Variants in RAB38 observed in about 807,000 individuals in gnomAD.
RAB38 encodes the protein ras-related protein Rab-38.
In RAB38, 15 loss-of-function variants were observed where a neutral mutation model predicts 18.4. The ratio of observed to expected loss-of-function variants is 0.82; its 90% CI spans 0.55 to 1.26. The LOEUF (loss-of-function observed/expected upper bound fraction) is 1.26, where lower values mean the gene tolerates loss of function less well. RAB38 is among the 50% of genes most tolerant of loss of function. The pLI is 0.00. For synonymous variants in RAB38, 101 were observed against 104.4 expected (o/e 0.97, Z 0.20); for missense variants, 294 against 267.4 (o/e 1.10, Z -0.69).
the RAB38 span, among the ~76,000 whole-genome samples, chr11:87,951,911 A>ACT: frequency 6.6e-6 from 1 of 151,450 alleles, no homozygotes; most frequent in African/African-American, 2.4e-5. Context: ...GAGAACCACT[A>ACT]CTCTCTTCAA....
chr11:87,901,239 T>C, the RAB38 span, among the ~76,000 whole-genome samples: 1 of 151,526 alleles, frequency 6.6e-6, no homozygotes, highest in Non-Finnish European at 1.5e-5. Context: ...GCAGACTAGT[T>C]CCAGAGCAAG....
chr11:88,153,838 C>T (rs923668676), intron 1 of RAB38, among the ~76,000 whole-genome samples: 5 of 152,186 alleles, frequency 3.3e-5, no homozygotes, highest in African/African-American at 4.8e-5. Flanking sequence ...CAAGATAGTA[C>T]ATTAGAGCCT....
the RAB38 span, among the ~76,000 whole-genome samples, chr11:87,910,561 A>G: frequency 2.7e-5 from 4 of 148,644 alleles, no homozygotes; most frequent in African/African-American, 7.6e-5. Flanking sequence ...ATTTTGTCCT[A>G]TGTTTACGTC....
the RAB38 span, among the ~76,000 whole-genome samples, chr11:88,080,564 A>T: frequency 3.9e-5 from 6 of 151,998 alleles, no homozygotes; most frequent in African/African-American, 1.4e-4. Context: ...TAAATAGAAA[A>T]AAGAAGGATC....
At chr11:87,869,863 G>A in the RAB38 span, among the ~76,000 whole-genome samples, 275 of 151,764 alleles carry the variant, frequency 1.8e-3, 1 homozygote, top group African/African-American at 6.2e-3. Flanking sequence ...AAAAGGGTAT[G>A]CCTGTTGCCA....
chr11:87,871,434 T>C, the RAB38 span, among the ~76,000 whole-genome samples: 1 of 151,674 alleles, frequency 6.6e-6, no homozygotes, highest in East Asian at 2.0e-4. Context: ...ACCCAGAAGT[T>C]TGTGGTGTAC....
At chr11:87,834,285 G>C in the RAB38 span, among the ~76,000 whole-genome samples, 2 of 152,092 alleles carry the variant, frequency 1.3e-5, no homozygotes, top group East Asian at 3.8e-4. Flanking sequence ...ACTTAGAAAA[G>C]GATTCATCCC....
chr11:88,022,609 C>A, the RAB38 span, among the ~76,000 whole-genome samples: 1 of 4,896 alleles, frequency 2.0e-4, no homozygotes, highest in Non-Finnish European at 3.2e-4. Flanking sequence ...CTAAAGACCC[C>A]ACAAAAAAAA....
chr11:87,873,949 T>TATATATATATAC, the RAB38 span, among the ~76,000 whole-genome samples: 24 of 138,080 alleles, frequency 1.7e-4, no homozygotes, highest in Non-Finnish European at 2.2e-4. Flanking sequence ...TATATATATA[T>TATATATATATAC]ACTCTGCATA....
At chr11:88,157,941 A>G (rs1486739421) in intron 1 of RAB38, among the ~76,000 whole-genome samples, 1 of 152,124 alleles carries the variant, frequency 6.6e-6, no homozygotes, top group Non-Finnish European at 1.5e-5. Context: ...AGCAGAACAG[A>G]ATGAAATTGA....
At chr11:87,838,336 G>C in the RAB38 span, among the ~76,000 whole-genome samples, 6 of 152,012 alleles carry the variant, frequency 3.9e-5, no homozygotes, top group East Asian at 7.7e-4. Context: ...GGATGGTCTC[G>C]ATCTCCTGAC....
At chr11:88,082,125 G>A in the RAB38 span, among the ~76,000 whole-genome samples, 1 of 151,796 alleles carries the variant, frequency 6.6e-6, no homozygotes, top group African/African-American at 2.4e-5. Flanking sequence ...ATTGACACAA[G>A]AGCAAGCTTT....
chr11:88,082,525 C>T, the RAB38 span, among the ~76,000 whole-genome samples: 1 of 151,756 alleles, frequency 6.6e-6, no homozygotes, highest in African/African-American at 2.4e-5. Flanking sequence ...GCCTAATCTT[C>T]TCTCTCAAAT....
chr11:87,936,864 GTTTTGTGTTTTGT>G, the RAB38 span, among the ~76,000 whole-genome samples: 1 of 151,946 alleles, frequency 6.6e-6, no homozygotes, highest in East Asian at 1.9e-4. Context: ...TTTCTAGGAG[GTTTTGTGTTTTGT>G]TTTTGTAAAT....
the RAB38 span, among the ~76,000 whole-genome samples, chr11:87,810,383 G>T: frequency 6.6e-6 from 1 of 152,104 alleles, no homozygotes; most frequent in Non-Finnish European, 1.5e-5. Context: ...ACCATGTCTA[G>T]CTCTAGAGCT....
At chr11:88,026,650 TTACA>T in the RAB38 span, among the ~76,000 whole-genome samples, 1 of 151,128 alleles carries the variant, frequency 6.6e-6, no homozygotes, top group African/African-American at 2.4e-5. Flanking sequence ...AGTGCTGGGA[TTACA>T]GACATGAGCC....
the RAB38 span, among the ~76,000 whole-genome samples, chr11:88,035,974 A>G: frequency 6.6e-6 from 1 of 152,114 alleles, no homozygotes; most frequent in Admixed American, 6.5e-5. Flanking sequence ...GTCAGTCCCC[A>G]TATGAGCAAA....
the RAB38 span, among the ~76,000 whole-genome samples, chr11:87,952,663 T>C: frequency 1.3e-5 from 2 of 152,176 alleles, no homozygotes; most frequent in South Asian, 2.1e-4. Flanking sequence ...CTATGCATGG[T>C]TTCGGACATG....
intron 1 of RAB38, 96 bp downstream of exon 1, chr11:88,175,087 G>A (rs563599267): frequency 7.4e-7 from 1 of 1,356,136 alleles, no homozygotes; most frequent in East Asian, 2.5e-5. Context: ...GCGACCTAGT[G>A]ATTTTAATCT....
Sources: gnomAD v4.1 joint callset for allele counts (sites outside exome capture counted in the v4.1 genomes callset) on GRCh38, gnomAD v4.1.1 for gene constraint, MANE v1.5 for transcripts, NCBI Gene and HGNC (gene_info 2026-07-23, HGNC 2026-07-21) for gene names.